The following SLC24A2 variants were observed in gnomAD, a reference collection of about 807,000 sequenced individuals.
SLC24A2 encodes the protein sodium/potassium/calcium exchanger 2.
SLC24A2 carries 36 observed loss-of-function variants against 62.0 expected under a neutral mutation model. The ratio of observed to expected loss-of-function variants is 0.58; its 90% CI spans 0.44 to 0.77. The LOEUF (loss-of-function observed/expected upper bound fraction) is 0.77, where lower values mean the gene tolerates loss of function less well. SLC24A2 is among the 30% of genes least tolerant of loss of function. The pLI, the probability that SLC24A2 is intolerant of heterozygous loss-of-function variation, is 0.00. For synonymous variants in SLC24A2, 358 were observed against 294.0 expected, an observed-to-expected ratio of 1.22 and a Z score of -2.23; for missense variants, 846 against 817.9, an observed-to-expected ratio of 1.03 and a Z score of -0.42.
the SLC24A2 span, among the ~76,000 whole-genome samples, chr9:20,185,437 G>A: frequency 6.6e-6 from 1 of 151,962 alleles, no homozygotes; most frequent in South Asian, 2.1e-4. Context: ...AGGCCGAGGT[G>A]GGCGGATCAA....
intron 7 of SLC24A2, among the ~76,000 whole-genome samples, chr9:19,571,268 G>A (rs1015855399): frequency 1.3e-5 from 2 of 152,178 alleles, no homozygotes; most frequent in Non-Finnish European, 2.9e-5. Context: ...AAGGTAAGGA[G>A]CATAGAAGGC....
At chr9:19,766,575 G>A (rs547110663) in intron 2 of SLC24A2, among the ~76,000 whole-genome samples, 184 of 152,302 alleles carry the variant, frequency 1.2e-3, no homozygotes, top group African/African-American at 4.1e-3. Context: ...TAGGTCTGCT[G>A]GAGTTTGCTG....
the SLC24A2 span, among the ~76,000 whole-genome samples, chr9:20,005,805 G>T: frequency 2.0e-5 from 3 of 151,222 alleles, no homozygotes; most frequent in African/African-American, 4.8e-5. Context: ...GCATGTAAAT[G>T]GGAAAATCAT....
chr9:19,651,988 A>G (rs1270155090), intron 2 of SLC24A2, among the ~76,000 whole-genome samples: 2 of 152,180 alleles, frequency 1.3e-5, no homozygotes, highest in African/African-American at 4.8e-5. Flanking sequence ...TGAGTGAATT[A>G]TTTCACAAGT....
At chr9:20,249,927 C>G in the SLC24A2 span, among the ~76,000 whole-genome samples, 2 of 152,066 alleles carry the variant, frequency 1.3e-5, no homozygotes, top group Non-Finnish European at 2.9e-5. Flanking sequence ...GTTTCATATT[C>G]AAATAAAAGA....
intron 7 of SLC24A2, among the ~76,000 whole-genome samples, chr9:19,556,838 A>T (rs921333186): frequency 2.0e-5 from 3 of 152,246 alleles, no homozygotes; most frequent in Non-Finnish European, 4.4e-5. Flanking sequence ...ATTGCAAGGC[A>T]GAGCTCATTT....
At position 19,777,588 on chromosome 9, in the gene SLC24A2, G is replaced by A. The variant is rs142401741; in HGVS notation, c.930+8349C>T. Reference sequence around the variant, plus strand: ...AAAAACATTTAATGATGGGGAAAAGGCTCCATAATAGGCCAAAAATTTGTA... The same window carrying A: ...AAAAACATTTAATGATGGGGAAAAGACTCCATAATAGGCCAAAAATTTGTA... On this transcript the variant is annotated intron_variant, in intron 2 of 10. Coordinates refer to ENST00000341998, the MANE Select transcript of SLC24A2 (RefSeq NM_020344.4). Among the ~76,000 whole-genome samples, 179 of 152,068 alleles carry A rather than the reference G, an allele frequency of 1.2e-3. 3 individuals carry two copies. In the East Asian group the frequency reaches 0.026, roughly 22 times the overall value.
At chr9:19,687,598 A>G (rs1819921481) in intron 2 of SLC24A2, among the ~76,000 whole-genome samples, 1 of 151,994 alleles carries the variant, frequency 6.6e-6, no homozygotes, top group African/African-American at 2.4e-5. Flanking sequence ...GTGTTTCTCA[A>G]CTTCTTCTTG....
chr9:19,813,923 A>G, the SLC24A2 span, among the ~76,000 whole-genome samples: 1 of 151,960 alleles, frequency 6.6e-6, no homozygotes, highest in African/African-American at 2.4e-5. Context: ...GGACTTCCCA[A>G]CCTCCAGAAG....
chr9:20,056,507 G>T, the SLC24A2 span, among the ~76,000 whole-genome samples: 4 of 152,280 alleles, frequency 2.6e-5, no homozygotes, highest in East Asian at 7.7e-4. Context: ...TTACAGTGTT[G>T]ATCATCTTGA....
the SLC24A2 span, among the ~76,000 whole-genome samples, chr9:20,201,288 AG>A: frequency 7.2e-5 from 11 of 152,240 alleles, no homozygotes; most frequent in Non-Finnish European, 1.5e-4. Context: ...ATACAGAGAA[AG>A]GGAGGCTTCA....
chr9:19,987,682 A>C, the SLC24A2 span, among the ~76,000 whole-genome samples: 1 of 152,228 alleles, frequency 6.6e-6, no homozygotes, highest in Non-Finnish European at 1.5e-5. Context: ...TTGGTATCTT[A>C]AAGCCAGAAT....
At chr9:20,109,773 GTCC>G in the SLC24A2 span, among the ~76,000 whole-genome samples, 3 of 152,076 alleles carry the variant, frequency 2.0e-5, no homozygotes, top group Non-Finnish European at 4.4e-5. Flanking sequence ...AGTCCTGAGA[GTCC>G]TCCTAGGTAG....
the SLC24A2 span, among the ~76,000 whole-genome samples, chr9:20,019,243 A>AAG: frequency 6.9e-6 from 1 of 144,340 alleles, no homozygotes; most frequent in East Asian, 2.0e-4. Context: ...AAGAAAAAGA[A>AAG]AGAAGGAAAG....
chr9:19,837,458 C>CAAAAAA, the SLC24A2 span, among the ~76,000 whole-genome samples: 10 of 22,356 alleles, frequency 4.5e-4, 2 homozygotes, highest in Non-Finnish European at 6.8e-4. Flanking sequence ...GACTCCGTCT[C>CAAAAAA]AAAAAAAAAA....
intron 4 of SLC24A2, among the ~76,000 whole-genome samples, chr9:19,606,262 T>C (rs1372834953): frequency 2.0e-5 from 3 of 152,198 alleles, no homozygotes; most frequent in Non-Finnish European, 2.9e-5. Context: ...AGAGGAGAAT[T>C]TTCATCATAA....
At chr9:20,145,010 C>T in the SLC24A2 span, among the ~76,000 whole-genome samples, 1 of 151,996 alleles carries the variant, frequency 6.6e-6, no homozygotes, top group Non-Finnish European at 1.5e-5. Context: ...TCCTTAAACG[C>T]ACCTGATAAT....
At chr9:19,940,384 G>C in the SLC24A2 span, among the ~76,000 whole-genome samples, 4,987 of 152,272 alleles carry the variant, frequency 0.033, 85 homozygotes, top group Non-Finnish European at 0.042. Flanking sequence ...AAGCCTTACT[G>C]TACTTCATAC....
intron 5 of SLC24A2, among the ~76,000 whole-genome samples, chr9:19,588,592 AGTT>A (rs71983389): frequency 0.14 from 21,234 of 152,144 alleles, 1,696 homozygotes; most frequent in African/African-American, 0.22. Context: ...ATTAGAAGGT[AGTT>A]GTTATATTAC....
Sources: gnomAD v4.1 joint callset for allele counts (sites outside exome capture counted in the v4.1 genomes callset) on GRCh38, gnomAD v4.1.1 for gene constraint, MANE v1.5 for transcripts, NCBI Gene and HGNC (gene_info 2026-07-23, HGNC 2026-07-21) for gene names.